The following ADGRL4 variants were observed in gnomAD, a reference collection of about 807,000 sequenced individuals.
The protein encoded by ADGRL4 is adhesion G protein-coupled receptor L4, also known as EGF, latrophilin and seven transmembrane domain containing 1.
ADGRL4 carries 90 observed loss-of-function variants against 74.8 expected under a neutral mutation model. The ratio of observed to expected loss-of-function variants is 1.20; its 90% CI spans 1.02 to 1.43. The LOEUF is 1.43. Ranked by LOEUF, ADGRL4 falls within the 40% of genes most tolerant of loss-of-function variation. The pLI, the probability that ADGRL4 is intolerant of heterozygous loss-of-function variation, is 0.00. For synonymous variants in ADGRL4, 311 were observed against 279.2 expected, an observed-to-expected ratio of 1.11 and a Z score of -1.14; for missense variants, 881 against 814.3, an observed-to-expected ratio of 1.08 and a Z score of -1.00.
chr1:78,999,818 AT>A, intron 2 of ADGRL4, among the ~76,000 whole-genome samples: 1 of 149,116 alleles, frequency 6.7e-6, no homozygotes, highest in South Asian at 2.1e-4. Context: ...CTATCTATCT[AT>A]CTATCTATCT....
At chr1:78,944,289 A>T (rs137937367) in intron 3 of ADGRL4, among the ~76,000 whole-genome samples, 1 of 152,296 alleles carries the variant, frequency 6.6e-6, no homozygotes, top group African/African-American at 2.4e-5. Flanking sequence ...AAGATGTTAC[A>T]AGTTAGACTT....
chr1:78,991,036 G>A (rs111715775), intron 2 of ADGRL4, among the ~76,000 whole-genome samples: 4,800 of 152,024 alleles, frequency 0.032, 92 homozygotes, highest in South Asian at 0.053. Flanking sequence ...TTTAGTTGCC[G>A]GTACATGTCA....
At chr1:78,934,103 C>T (rs1301258244) in intron 7 of ADGRL4, among the ~76,000 whole-genome samples, 1 of 151,982 alleles carries the variant, frequency 6.6e-6, no homozygotes, top group Non-Finnish European at 1.5e-5. Flanking sequence ...TCAAAGAAGA[C>T]CCCATATAGC....
intron 8 of ADGRL4, 58 bp downstream of exon 8, chr1:78,926,828 G>A: frequency 1.6e-6 from 2 of 1,252,420 alleles, no homozygotes; most frequent in Non-Finnish European, 2.3e-6. Flanking sequence ...ACAACAAAGA[G>A]TCCAGTTCTC....
intron 12 of ADGRL4, among the ~76,000 whole-genome samples, chr1:78,897,871 T>A (rs1425543859): frequency 6.6e-6 from 1 of 152,150 alleles, no homozygotes; most frequent in Non-Finnish European, 1.5e-5. Context: ...TCACATTTAC[T>A]CGTTTATATT....
intron 12 of ADGRL4, among the ~76,000 whole-genome samples, chr1:78,912,355 C>A (rs574161593): frequency 6.6e-6 from 1 of 151,818 alleles, no homozygotes; most frequent in East Asian, 1.9e-4. Flanking sequence ...GTCAAAAACA[C>A]CTTGTTATAC....
chr1:78,905,943 C>T (rs1031837260), intron 12 of ADGRL4, among the ~76,000 whole-genome samples: 2 of 151,832 alleles, frequency 1.3e-5, no homozygotes, highest in African/African-American at 4.8e-5. Flanking sequence ...TAATATATGG[C>T]AACAGAAACT....
chr1:78,931,300 T>C (rs1480944769), intron 7 of ADGRL4, among the ~76,000 whole-genome samples: 1 of 151,402 alleles, frequency 6.6e-6, no homozygotes, highest in African/African-American at 2.5e-5. Flanking sequence ...GAAAAGAATT[T>C]TCAACCCAGA....
At chr1:78,983,858 A>G (rs1188736814) in intron 2 of ADGRL4, among the ~76,000 whole-genome samples, 1 of 151,852 alleles carries the variant, frequency 6.6e-6, no homozygotes, top group Non-Finnish European at 1.5e-5. Context: ...GGACACTTTA[A>G]ACAGTAACAA....
intron 7 of ADGRL4, among the ~76,000 whole-genome samples, chr1:78,933,535 T>A (rs1649290555): frequency 6.6e-6 from 1 of 151,428 alleles, no homozygotes; most frequent in Admixed American, 6.6e-5. Context: ...AAGGATGCCC[T>A]CTTTCACCAC....
At chr1:78,910,531 C>T (rs116739563) in intron 12 of ADGRL4, among the ~76,000 whole-genome samples, 163 of 151,888 alleles carry the variant, frequency 1.1e-3, no homozygotes, top group African/African-American at 3.9e-3. Context: ...CAAGCAAATG[C>T]TATTCTTCAA....
intron 11 of ADGRL4, 37 bp downstream of exon 11, chr1:78,917,793 T>C: frequency 6.3e-7 from 1 of 1,598,814 alleles, no homozygotes; most frequent in Non-Finnish European, 8.6e-7. Flanking sequence ...ACATTCAAAA[T>C]CGTATTTCAA....
intron 3 of ADGRL4, among the ~76,000 whole-genome samples, chr1:78,942,173 C>CAAA (rs398049382): frequency 3.9e-4 from 29 of 73,606 alleles, no homozygotes; most frequent in East Asian, 1.0e-3. Context: ...GACTCCGTCT[C>CAAA]AAAAAAAAAA....
At chr1:78,949,736 C>A (rs1274768391) in intron 2 of ADGRL4, among the ~76,000 whole-genome samples, 1 of 152,124 alleles carries the variant, frequency 6.6e-6, no homozygotes, top group Non-Finnish European at 1.5e-5. Context: ...CAAATCAATT[C>A]ACCAGTTATA....
intron 2 of ADGRL4, among the ~76,000 whole-genome samples, chr1:78,984,846 T>C (rs1417398048): frequency 2.0e-5 from 3 of 151,644 alleles, no homozygotes; most frequent in African/African-American, 7.3e-5. Flanking sequence ...TAAATTACCG[T>C]GGGACTCATG....
At chr1:78,974,562 A>C (rs1650239962) in intron 2 of ADGRL4, among the ~76,000 whole-genome samples, 1 of 152,190 alleles carries the variant, frequency 6.6e-6, no homozygotes, top group South Asian at 2.1e-4. Context: ...GTCTATAAAA[A>C]CACAGGTGTA....
At chr1:78,947,520 C>A (rs1304502185) in intron 2 of ADGRL4, among the ~76,000 whole-genome samples, 2 of 152,120 alleles carry the variant, frequency 1.3e-5, no homozygotes, top group African/African-American at 2.4e-5. Context: ...TCTGCTGACA[C>A]CTTGATTTTA....
chr1:78,922,316 A>G (rs573768796), intron 8 of ADGRL4, among the ~76,000 whole-genome samples: 1 of 152,106 alleles, frequency 6.6e-6, no homozygotes, highest in East Asian at 1.9e-4. Flanking sequence ...TGTCCAACAG[A>G]CTTGGGAACA....
chr1:78,990,263 C>T (rs967978075), intron 2 of ADGRL4, among the ~76,000 whole-genome samples: 3 of 151,682 alleles, frequency 2.0e-5, no homozygotes, highest in African/African-American at 7.3e-5. Context: ...CTAAGTGTGT[C>T]ATATTTCTAT....
Sources: allele counts gnomAD v4.1 joint callset (sites outside exome capture counted in the v4.1 genomes callset), GRCh38; gene constraint gnomAD v4.1.1; transcripts MANE v1.5; gene names NCBI Gene and HGNC (gene_info 2026-07-23, HGNC 2026-07-21).